CFAP299: variants seen among roughly 807,000 people sequenced by gnomAD.
CFAP299 encodes the protein cilia- and flagella-associated protein 299.
A neutral mutation model predicts 27.0 loss-of-function variants in CFAP299; 21 were observed. The ratio of observed to expected loss-of-function variants is 0.78; its 90% confidence interval spans 0.55 to 1.12. The LOEUF (loss-of-function observed/expected upper bound fraction) is 1.12. Among genes scored for constraint, CFAP299 ranks in the 50% most tolerant of loss-of-function variants. The pLI is 0.00. For synonymous variants in CFAP299, 104 were observed against 98.1 expected (o/e 1.06, Z -0.36); for missense variants, 310 against 276.6 (o/e 1.12, Z -0.86).
rs151204344 is a variant in CFAP299, at chr4:80,843,542, G to C, written c.334-26451G>C. 3.6e-3 allele frequency among the ~76,000 whole-genome samples: 555 copies of C among 152,114 alleles called. 3 individuals carry two copies. Among genetic ancestry groups the C allele is most frequent in the African/African-American group, 0.013 (540 of 41,492 alleles). ...GTGAATAGTGCCACAACAAACATACGTGTGCATGTGTCTTTATAGCAGCAT... is the reference window on the plus strand; with the variant it reads ...GTGAATAGTGCCACAACAAACATACCTGTGCATGTGTCTTTATAGCAGCAT... On this transcript the variant is annotated intron_variant, in intron 3 of 5. Coordinates refer to ENST00000358105, the MANE Select transcript of CFAP299 (RefSeq NM_152770.3).
intron 3 of CFAP299, among the ~76,000 whole-genome samples, chr4:80,830,263 A>T (rs1241050467): frequency 6.6e-6 from 1 of 152,120 alleles, no homozygotes; most frequent in African/African-American, 2.4e-5. Context: ...ATGCACTAAA[A>T]TGGATAAATA....
intron 2 of CFAP299, among the ~76,000 whole-genome samples, chr4:80,367,723 G>T (rs1723915978): frequency 6.6e-6 from 1 of 152,110 alleles, no homozygotes. Flanking sequence ...GGTTATAGTA[G>T]CCATAAGACA....
At chr4:80,322,035 T>C in the CFAP299 span, among the ~76,000 whole-genome samples, 1 of 152,096 alleles carries the variant, frequency 6.6e-6, no homozygotes, top group South Asian at 2.1e-4. Context: ...GCAGAGCCAC[T>C]GTGAAAGTCA....
At chr4:80,582,085 A>G (rs1436610707) in intron 2 of CFAP299, among the ~76,000 whole-genome samples, 15 of 151,792 alleles carry the variant, frequency 9.9e-5, no homozygotes, top group African/African-American at 3.4e-4. Context: ...GCAATTTTAC[A>G]TTTGAATTTC....
chr4:80,449,830 TTTTA>T (rs1728812594), intron 2 of CFAP299, among the ~76,000 whole-genome samples: 1 of 151,926 alleles, frequency 6.6e-6, no homozygotes, highest in Non-Finnish European at 1.5e-5. Flanking sequence ...TTATGTTTAA[TTTTA>T]TTTAATATTT....
intron 2 of CFAP299, among the ~76,000 whole-genome samples, chr4:80,488,960 C>T (rs1192074969): frequency 6.6e-6 from 1 of 152,182 alleles, no homozygotes; most frequent in East Asian, 1.9e-4. Flanking sequence ...CTTCTGTACA[C>T]AAGATCTTCT....
At chr4:80,506,023 TAA>T (rs1491244820) in intron 2 of CFAP299, among the ~76,000 whole-genome samples, 215 of 150,678 alleles carry the variant, frequency 1.4e-3, no homozygotes, top group African/African-American at 5.1e-3. Flanking sequence ...AATATATATA[TAA>T]AAATAATAAC....
At chr4:80,422,399 A>T (rs1203001650) in intron 2 of CFAP299, among the ~76,000 whole-genome samples, 4 of 151,978 alleles carry the variant, frequency 2.6e-5, no homozygotes. Flanking sequence ...TCTTTAGTTT[A>T]GCCCTCCACA....
chr4:80,833,576 G>A (rs1202894328), intron 3 of CFAP299, among the ~76,000 whole-genome samples: 1 of 152,106 alleles, frequency 6.6e-6, no homozygotes, highest in East Asian at 1.9e-4. Context: ...GCTTAATAAG[G>A]AAATACATGA....
At chr4:80,806,016 CTT>C (rs1447837453) in intron 3 of CFAP299, among the ~76,000 whole-genome samples, 1 of 152,164 alleles carries the variant, frequency 6.6e-6, no homozygotes, top group East Asian at 1.9e-4. Context: ...ATAATAATGA[CTT>C]AGCTATAAGA....
intron 3 of CFAP299, among the ~76,000 whole-genome samples, chr4:80,703,720 TC>T (rs1183767674): frequency 6.6e-6 from 1 of 151,672 alleles, no homozygotes; most frequent in Non-Finnish European, 1.5e-5. Context: ...CTCCCATTCT[TC>T]CCCTGAAAGT....
intron 3 of CFAP299, among the ~76,000 whole-genome samples, chr4:80,835,945 G>A (rs72881540): frequency 0.098 from 14,888 of 152,194 alleles, 779 homozygotes; most frequent in Admixed American, 0.13. Flanking sequence ...AAAGAGATGA[G>A]TGCAAAGTCC....
At chr4:80,339,034 G>A (rs1201824078) in intron 1 of CFAP299, among the ~76,000 whole-genome samples, 1 of 152,190 alleles carries the variant, frequency 6.6e-6, no homozygotes, top group African/African-American at 2.4e-5. Flanking sequence ...TGGAGTGCAG[G>A]GGGCTGGAAG....
At chr4:80,631,858 T>A (rs1739221066) in intron 3 of CFAP299, among the ~76,000 whole-genome samples, 1 of 26,872 alleles carries the variant, frequency 3.7e-5, no homozygotes, top group African/African-American at 1.1e-4. Flanking sequence ...TGAATATTTG[T>A]GCCCCACCCC....
rs538063110 is a variant in CFAP299, at chr4:80,772,107, A to C, written c.334-97886A>C. Among the ~76,000 whole-genome samples the C allele has an allele frequency of 1.2e-3, 183 of 152,330 alleles. 1 individual carries two copies. The highest frequency in any genetic ancestry group is 4.0e-3 in the African/African-American group (168 of 41,580). On this transcript the variant is annotated intron_variant, in intron 3 of 5. Transcript: ENST00000358105. Reference sequence around the variant, plus strand: ...CTGGCTGAGTAGAGGCAGGGGAATAATAATACAGGATTCAAAAATCTAAAT... The same window carrying C: ...CTGGCTGAGTAGAGGCAGGGGAATACTAATACAGGATTCAAAAATCTAAAT...
chr4:80,323,829 C>T, the CFAP299 span, among the ~76,000 whole-genome samples: 2 of 152,058 alleles, frequency 1.3e-5, no homozygotes, highest in Non-Finnish European at 2.9e-5. Context: ...AGTTAGATTT[C>T]CATCTGTGTA....
At chr4:80,429,157 A>T (rs967962154) in intron 2 of CFAP299, among the ~76,000 whole-genome samples, 1 of 152,222 alleles carries the variant, frequency 6.6e-6, no homozygotes, top group African/African-American at 2.4e-5. Context: ...TATTCAACGA[A>T]TATTATAAAA....
At chr4:80,722,525 G>A (rs1273105731) in intron 3 of CFAP299, among the ~76,000 whole-genome samples, 1 of 152,026 alleles carries the variant, frequency 6.6e-6, no homozygotes, top group East Asian at 1.9e-4. Context: ...GAAAAGGCAA[G>A]CCACAAGCTA....
chr4:80,643,566 T>C (rs1338563993), intron 3 of CFAP299, among the ~76,000 whole-genome samples: 1 of 152,134 alleles, frequency 6.6e-6, no homozygotes, highest in East Asian at 1.9e-4. Context: ...TAGAGTAATA[T>C]CTTTGAGTAG....
Sources: gnomAD v4.1 joint callset for allele counts (sites outside exome capture counted in the v4.1 genomes callset) on GRCh38, gnomAD v4.1.1 for gene constraint, MANE v1.5 for transcripts, NCBI Gene and HGNC (gene_info 2026-07-23, HGNC 2026-07-21) for gene names.